EFCAB8: variants seen among roughly 807,000 people sequenced by gnomAD.
The protein encoded by EFCAB8 is EF-hand calcium binding domain 8.
Under a neutral mutation model 116.3 loss-of-function variants are expected in EFCAB8, and 100 were observed. That is an observed-to-expected ratio of 0.86 (90% CI 0.73 to 1.02). The LOEUF is 1.02. Among genes scored for constraint, EFCAB8 ranks in the 50% least tolerant of loss-of-function variants. The pLI, the probability that EFCAB8 is intolerant of heterozygous loss-of-function variation, is 0.00. For missense variants in EFCAB8, 1,320 were observed against 1,416.9 expected (o/e 0.93, Z 1.10); for synonymous variants, 558 against 567.9 (o/e 0.98, Z 0.25).
chr20:32,915,092 G>A (rs1053205290), intron 17 of EFCAB8, among the ~76,000 whole-genome samples: 24 of 152,026 alleles, frequency 1.6e-4, no homozygotes, highest in African/African-American at 5.6e-4. Context: ...TTATAGAGAT[G>A]GGGTCTTGCT....
chr20:32,960,770 C>G lies in EFCAB8; in HGVS notation c.3394-366C>G, dbSNP rs546395834. On this transcript the variant is annotated intron_variant, in intron 26 of 26. Coordinates refer to ENST00000400522, the MANE Select transcript of EFCAB8 (RefSeq NM_001143967.2). ...AAGGCCATGCCCCTGCAGGGCCCCC[C>G]TGTCTCGGGCTGGGGAGAGGCTGGT... is the stretch of plus-strand genomic sequence containing the variant. Among the ~76,000 whole-genome samples the G allele has an allele frequency of 4.6e-5, 7 of 152,348 alleles. No homozygotes were observed. In the South Asian group the frequency reaches 1.4e-3, roughly 32 times the overall value.
At chr20:32,907,667 A>T (rs1986740339) in intron 13 of EFCAB8, among the ~76,000 whole-genome samples, 1 of 152,234 alleles carries the variant, frequency 6.6e-6, no homozygotes, top group Non-Finnish European at 1.5e-5. Flanking sequence ...TCCTGTCTGG[A>T]ATTTTCCCAG....
intron 4 of EFCAB8, among the ~76,000 whole-genome samples, chr20:32,876,684 C>T (rs990786696): frequency 2.0e-5 from 3 of 152,076 alleles, no homozygotes; most frequent in Admixed American, 6.6e-5. Flanking sequence ...ACCTCTATTT[C>T]GGCCGGGCAC....
rs546545552 is a variant in EFCAB8 at position 32,923,634 on chromosome 20, A to G, written c.2412+3419A>G. 2.0e-5 allele frequency among the ~76,000 whole-genome samples: 3 copies of G among 152,330 alleles called. No individual in the cohort carries two copies. In the East Asian group the frequency reaches 5.8e-4, roughly 29 times the overall value. On this transcript the variant is annotated intron_variant, in intron 20 of 26. Coordinates refer to ENST00000400522, the MANE Select transcript of EFCAB8 (RefSeq NM_001143967.2). ...CCTTCTAGAATTTTTTTGTGCATATACAAGTACATACATGTATGAATGTAT... is the reference window on the plus strand; with the variant it reads ...CCTTCTAGAATTTTTTTGTGCATATGCAAGTACATACATGTATGAATGTAT...
chr20:32,861,205 C>T (rs536552701), intron 1 of EFCAB8, among the ~76,000 whole-genome samples: 3 of 152,294 alleles, frequency 2.0e-5, no homozygotes, highest in Admixed American at 6.5e-5. Context: ...AATGATGCTG[C>T]AGCAATCACT....
chr20:32,929,502 G>A (rs1332679107), intron 20 of EFCAB8, among the ~76,000 whole-genome samples: 4 of 70,048 alleles, frequency 5.7e-5, no homozygotes, highest in Non-Finnish European at 1.1e-4. Context: ...CTTCCCTTCT[G>A]TTTTTTTTTT....
chr20:32,928,751 T>C (rs1987771328), intron 20 of EFCAB8, among the ~76,000 whole-genome samples: 1 of 152,208 alleles, frequency 6.6e-6, no homozygotes, highest in South Asian at 2.1e-4. Context: ...CTCTGTTGAA[T>C]AAAAGTGGCA....
intron 23 of EFCAB8, among the ~76,000 whole-genome samples, chr20:32,948,294 C>T (rs1988669982): frequency 6.6e-6 from 1 of 152,016 alleles, no homozygotes; most frequent in Admixed American, 6.6e-5. Context: ...AAACAGATAA[C>T]CCGAATATCC....
chr20:32,951,958 A>G (rs1010144569), intron 23 of EFCAB8, among the ~76,000 whole-genome samples: 1 of 152,168 alleles, frequency 6.6e-6, no homozygotes, highest in Admixed American at 6.5e-5. Flanking sequence ...TTCTCTTCAT[A>G]GTGCATTTTG....
intron 15 of EFCAB8, 36 bp from the exon 16 acceptor site, chr20:32,911,444 C>T: frequency 1.4e-6 from 2 of 1,440,456 alleles, no homozygotes; most frequent in Non-Finnish European, 1.8e-6. Context: ...GAGGCCCCGG[C>T]CTCTCCAGCA....
At chr20:32,936,189 T>C (rs577056568) in intron 22 of EFCAB8, among the ~76,000 whole-genome samples, 1 of 152,106 alleles carries the variant, frequency 6.6e-6, no homozygotes, top group East Asian at 1.9e-4. Flanking sequence ...TGTGCCACCA[T>C]GCCTAGCTAA....
intron 2 of EFCAB8, among the ~76,000 whole-genome samples, chr20:32,864,475 C>T (rs1006343649): frequency 6.6e-6 from 1 of 152,108 alleles, no homozygotes; most frequent in African/African-American, 2.4e-5. Context: ...CCCGCTACTC[C>T]AGAGGCTGAG....
intron 22 of EFCAB8, among the ~76,000 whole-genome samples, chr20:32,942,080 TG>T (rs959111779): frequency 2.6e-5 from 4 of 152,188 alleles, no homozygotes; most frequent in African/African-American, 9.7e-5. Context: ...TTCATTAGCC[TG>T]TTTTTTTTAT....
chr20:32,957,608 C>T (rs1416641081), intron 23 of EFCAB8, among the ~76,000 whole-genome samples: 4 of 152,190 alleles, frequency 2.6e-5, no homozygotes, highest in East Asian at 3.8e-4. Flanking sequence ...GCACCTACAA[C>T]CCCAGCCTCC....
intron 11 of EFCAB8, chr20:32,903,778 T>TA (rs1404424133): frequency 2.6e-5 from 4 of 152,462 alleles, no homozygotes; most frequent in African/African-American, 9.6e-5. Flanking sequence ...GGGAGGCTGA[T>TA]ACGGCAAAGT....
At chr20:32,912,073 G>A (rs375473577) in intron 16 of EFCAB8, among the ~76,000 whole-genome samples, 1 of 152,150 alleles carries the variant, frequency 6.6e-6, no homozygotes, top group African/African-American at 2.4e-5. Flanking sequence ...GCCAGTCCAT[G>A]GGAGTGGCAT....
intron 19 of EFCAB8, among the ~76,000 whole-genome samples, chr20:32,919,236 C>T (rs140830251): frequency 1.2e-4 from 18 of 152,266 alleles, no homozygotes; most frequent in South Asian, 6.2e-4. Flanking sequence ...AGATTGTTCT[C>T]GTAGTCAAAA....
At chr20:32,894,114 A>T (rs1269816753) in intron 9 of EFCAB8, among the ~76,000 whole-genome samples, 1 of 152,188 alleles carries the variant, frequency 6.6e-6, no homozygotes, top group Non-Finnish European at 1.5e-5. Flanking sequence ...TCTGAACTGG[A>T]GCCTGTCTAG....
At chr20:32,896,207 C>A (rs1017508832) in intron 9 of EFCAB8, among the ~76,000 whole-genome samples, 21 of 152,152 alleles carry the variant, frequency 1.4e-4, no homozygotes, top group African/African-American at 4.8e-4. Flanking sequence ...AAATCTGGTT[C>A]TAGTTCTGCC....
Sources: gnomAD v4.1 joint callset for allele counts (sites outside exome capture counted in the v4.1 genomes callset) on GRCh38, gnomAD v4.1.1 for gene constraint, MANE v1.5 for transcripts, NCBI Gene and HGNC (gene_info 2026-07-23, HGNC 2026-07-21) for gene names.